GINS1: variants seen among roughly 807,000 people sequenced by gnomAD.
GINS1 encodes DNA replication complex GINS protein PSF1.
Under a neutral mutation model 34.9 loss-of-function variants are expected in GINS1, and 26 were observed. The ratio of observed to expected loss-of-function variants is 0.74; its 90% CI spans 0.55 to 1.03. The LOEUF (loss-of-function observed/expected upper bound fraction) is 1.03, where lower values mean the gene tolerates loss of function less well. Among genes scored for constraint, GINS1 ranks in the 50% least tolerant of loss-of-function variants. The pLI is 0.00. For missense variants in GINS1, 235 were observed against 237.9 expected (o/e 0.99, Z 0.08); for synonymous variants, 97 against 84.4 (o/e 1.15, Z -0.82).
chr20:25,412,149 C>G (rs1243582593), intron 1 of GINS1, among the ~76,000 whole-genome samples: 1 of 152,040 alleles, frequency 6.6e-6, no homozygotes, highest in Non-Finnish European at 1.5e-5. Flanking sequence ...TTTTATTTTT[C>G]CAAGGGAAAA....
intron 3 of GINS1, among the ~76,000 whole-genome samples, chr20:25,417,841 C>T (rs1260293009): frequency 6.6e-6 from 1 of 151,928 alleles, no homozygotes; most frequent in Non-Finnish European, 1.5e-5. Context: ...GTGACAAGAG[C>T]AAAACTCTGT....
intron 6 of GINS1, among the ~76,000 whole-genome samples, chr20:25,445,038 A>AAATTT: frequency 6.6e-6 from 1 of 152,346 alleles, no homozygotes; most frequent in East Asian, 1.9e-4. Flanking sequence ...TTCTCTGTGC[A>AAATTT]TAAATTTTAA....
chr20:25,429,012 G>A (rs1427401461), intron 5 of GINS1, among the ~76,000 whole-genome samples: 14 of 96,096 alleles, frequency 1.5e-4, no homozygotes, highest in African/African-American at 1.2e-4. Flanking sequence ...TTTTTGAAAC[G>A]AAGTCTTGCT....
chr20:25,415,199 A>G (rs1191085212), intron 2 of GINS1, among the ~76,000 whole-genome samples: 2 of 152,224 alleles, frequency 1.3e-5, no homozygotes, highest in East Asian at 3.8e-4. Context: ...ACTCCTGTGT[A>G]TAAGGAGAGA....
chr20:25,420,760 A>G lies in GINS1; in HGVS notation c.330+2565A>G, dbSNP rs571025874. 40 of 516,790 alleles carry G rather than the reference A, an allele frequency of 7.7e-5. No individual in the cohort carries two copies. The African/African-American group carries it at 8.5e-4, about 11-fold the overall frequency. 32.0% of individuals were successfully genotyped at this position (516,790 alleles called of 1,614,324 possible). A position where few individuals can be genotyped will look rare whatever the true frequency, so the allele number is the denominator to read the frequency against. On this transcript the variant is annotated intron_variant, in intron 4 of 6. Transcript: ENST00000262460. ...TCGCACCACTGCACTCTGGTCTGGG[A>G]GAGAGAGTGAGACCCTGTCTCAAAA...
At chr20:25,419,454 A>G (rs2090341628) in intron 4 of GINS1, among the ~76,000 whole-genome samples, 1 of 152,216 alleles carries the variant, frequency 6.6e-6, no homozygotes, top group African/African-American at 2.4e-5. Context: ...TTCTGCATAA[A>G]TAAATGAGTA....
Position 25,437,958 on chromosome 20 carries a change from A to C in GINS1, c.448-3744A>C, listed in dbSNP as rs1229943492. ...ACATGGTGAAACCCCATCTCTACTAAAAATACAAAATTTAGCCAGGCGTGG... is the reference window on the plus strand; with the variant it reads ...ACATGGTGAAACCCCATCTCTACTACAAATACAAAATTTAGCCAGGCGTGG... On this transcript the variant is annotated intron_variant, in intron 5 of 6. Coordinates refer to ENST00000262460, the MANE Select transcript of GINS1 (RefSeq NM_021067.5). Among the ~76,000 whole-genome samples the C allele has an allele frequency of 2.0e-5, 3 of 151,910 alleles. No individual in the cohort carries two copies. The East Asian group carries it at 5.8e-4, about 29-fold the overall frequency.
chr20:25,411,638 A>G (rs2090285794), intron 1 of GINS1, among the ~76,000 whole-genome samples: 1 of 149,286 alleles, frequency 6.7e-6, no homozygotes, highest in African/African-American at 2.4e-5. Flanking sequence ...GTCTCTACCA[A>G]AAAAAAAAAG....
intron 3 of GINS1, among the ~76,000 whole-genome samples, chr20:25,417,529 T>C (rs975164746): frequency 2.6e-5 from 4 of 152,108 alleles, no homozygotes; most frequent in African/African-American, 9.7e-5. Flanking sequence ...CTGAATACGG[T>C]AGTGTTCTTA....
chr20:25,425,503 T>A (rs1169565945), intron 5 of GINS1, among the ~76,000 whole-genome samples, 176 bp downstream of exon 5: 1 of 152,190 alleles, frequency 6.6e-6, no homozygotes, highest in Admixed American at 6.5e-5. Flanking sequence ...AGCTATAATT[T>A]TCTGAATATA....
chr20:25,416,161 T>A (rs2090319502), intron 2 of GINS1, among the ~76,000 whole-genome samples: 1 of 152,144 alleles, frequency 6.6e-6, no homozygotes, highest in Non-Finnish European at 1.5e-5. Flanking sequence ...TGGGGGAAGC[T>A]GGTCACCAGG....
chr20:25,432,998 G>T (rs1037037440), intron 5 of GINS1, among the ~76,000 whole-genome samples: 2 of 151,376 alleles, frequency 1.3e-5, no homozygotes, highest in Admixed American at 1.3e-4. Flanking sequence ...TTCTCTTTTG[G>T]CAGGTATTCG....
chr20:25,411,883 C>T (rs1373589495), intron 1 of GINS1, among the ~76,000 whole-genome samples: 1 of 151,418 alleles, frequency 6.6e-6, no homozygotes, highest in Non-Finnish European at 1.5e-5. Context: ...ACGGAGGTTG[C>T]AGTGAGCCAA....
At chr20:25,420,364 C>G (rs1416517730) in intron 4 of GINS1, among the ~76,000 whole-genome samples, 1 of 151,774 alleles carries the variant, frequency 6.6e-6, no homozygotes, top group East Asian at 2.0e-4. Flanking sequence ...GAGCTCCTGA[C>G]CTGATGATCT....
intron 3 of GINS1, among the ~76,000 whole-genome samples, chr20:25,417,803 G>C (rs1412854780): frequency 6.6e-6 from 1 of 152,174 alleles, no homozygotes; most frequent in Non-Finnish European, 1.5e-5. Flanking sequence ...GTAGTGAACG[G>C]AGATCGTGCC....
At chr20:25,429,090 G>A (rs1210098929) in intron 5 of GINS1, among the ~76,000 whole-genome samples, 1 of 144,332 alleles carries the variant, frequency 6.9e-6, no homozygotes, top group Admixed American at 7.2e-5. Context: ...CTGGGTTCAA[G>A]TGATTCTCCT....
intron 4 of GINS1, among the ~76,000 whole-genome samples, chr20:25,422,578 G>T (rs2090362528): frequency 6.6e-6 from 1 of 152,096 alleles, no homozygotes; most frequent in Admixed American, 6.6e-5. Flanking sequence ...GTGACAGTGA[G>T]ACCCTGTCTT....
At chr20:25,432,286 C>T (rs374090293) in intron 5 of GINS1, among the ~76,000 whole-genome samples, 22 of 151,186 alleles carry the variant, frequency 1.5e-4, no homozygotes, top group African/African-American at 4.8e-4. Flanking sequence ...GTTTTTTCAC[C>T]TTTAAGTATT....
chr20:25,434,168 C>G (rs114937917), intron 5 of GINS1, among the ~76,000 whole-genome samples: 3 of 151,772 alleles, frequency 2.0e-5, no homozygotes, highest in Non-Finnish European at 2.9e-5. Context: ...CTTGTAGTTT[C>G]AGCTACTCAG....
Sources: allele counts gnomAD v4.1 joint callset (sites outside exome capture counted in the v4.1 genomes callset), GRCh38; gene constraint gnomAD v4.1.1; transcripts MANE v1.5; gene names NCBI Gene and HGNC (gene_info 2026-07-23, HGNC 2026-07-21).